The following BBX variants were observed in gnomAD, a reference collection of about 807,000 sequenced individuals.
BBX encodes HMG box transcription factor BBX.
A neutral mutation model predicts 100.2 loss-of-function variants in BBX; 30 were observed. The ratio of observed to expected loss-of-function variants is 0.30; its 90% CI spans 0.22 to 0.41. The LOEUF is 0.41. BBX is among the 10% of genes least tolerant of loss of function. BBX has a pLI of 1.00. For missense variants in BBX, 1,023 were observed against 1,129.8 expected (o/e 0.91, Z 1.35); for synonymous variants, 376 against 388.1 (o/e 0.97, Z 0.37).
chr3:107,720,676 G>T (rs1331243543), intron 5 of BBX, among the ~76,000 whole-genome samples: 2 of 151,986 alleles, frequency 1.3e-5, no homozygotes, highest in African/African-American at 4.8e-5. Flanking sequence ...CAACTTGAAG[G>T]TGAACTATAA....
At chr3:107,764,383 A>G (rs1446830704) in intron 10 of BBX, among the ~76,000 whole-genome samples, 1 of 152,212 alleles carries the variant, frequency 6.6e-6, no homozygotes, top group Non-Finnish European at 1.5e-5. Flanking sequence ...CTAATGAACC[A>G]TCCTATTAAA....
chr3:107,782,011 A>C (rs1450047969), intron 13 of BBX, among the ~76,000 whole-genome samples: 1 of 152,144 alleles, frequency 6.6e-6, no homozygotes, highest in Admixed American at 6.6e-5. Flanking sequence ...ATCTCCTATT[A>C]GGAAATTTTA....
At chr3:107,690,801 C>G (rs1481250540) in intron 3 of BBX, among the ~76,000 whole-genome samples, 3 of 144,376 alleles carry the variant, frequency 2.1e-5, no homozygotes, top group African/African-American at 7.8e-5. Flanking sequence ...TTACAACATT[C>G]TTGTACTGTG....
intron 3 of BBX, chr3:107,661,822 T>C (rs1576227420): frequency 1.0e-6 from 1 of 960,644 alleles, no homozygotes; most frequent in Non-Finnish European, 1.2e-6. Flanking sequence ...GTTTTTCTTG[T>C]CCCAGGCACC....
intron 7 of BBX, among the ~76,000 whole-genome samples, chr3:107,740,872 A>AT (rs2064039055): frequency 6.6e-6 from 1 of 150,724 alleles, no homozygotes; most frequent in Non-Finnish European, 1.5e-5. Context: ...ATGCACTTAC[A>AT]TTTTTGTATA....
chr3:107,785,736 A>G (rs558432527), intron 13 of BBX, among the ~76,000 whole-genome samples: 79 of 152,208 alleles, frequency 5.2e-4, no homozygotes, highest in African/African-American at 1.9e-3. Flanking sequence ...CTTAATGGTA[A>G]AATACTGGAT....
intron 10 of BBX, among the ~76,000 whole-genome samples, chr3:107,769,235 T>TAGAC (rs771229887): frequency 8.0e-5 from 11 of 137,990 alleles, no homozygotes; most frequent in Non-Finnish European, 1.5e-4. Flanking sequence ...GATAGACAGA[T>TAGAC]AGATAGGATA....
chr3:107,736,025 C>T (rs553357643), intron 7 of BBX, among the ~76,000 whole-genome samples: 54 of 151,838 alleles, frequency 3.6e-4, no homozygotes, highest in Non-Finnish European at 7.5e-4. Context: ...ACCCAGAGTA[C>T]ATTGAAATGC....
chr3:107,801,299 G>A lies in BBX; in HGVS notation c.2738+18G>A, dbSNP rs1395363415. ...GTGCACAGGTTAGTGGTAGAAGGTG[G>A]AAGGAGAAAGCAACATGGAAACCAG... On this transcript the variant is annotated intron_variant, in intron 17 of 17. Coordinates refer to ENST00000325805, the MANE Select transcript of BBX (RefSeq NM_001142568.3). 1.9e-6 allele frequency: 3 copies of A among 1,608,312 alleles called. No homozygotes were observed. The highest frequency in any genetic ancestry group is 2.5e-6 in the Non-Finnish European group (3 of 1,176,724).
chr3:107,731,654 T>C (rs924799060), intron 6 of BBX, among the ~76,000 whole-genome samples: 2 of 152,136 alleles, frequency 1.3e-5, no homozygotes, highest in East Asian at 3.8e-4. Flanking sequence ...TTTCCTCTAA[T>C]AACCTCTTCC....
chr3:107,702,773 G>T (rs1220435865), intron 3 of BBX, among the ~76,000 whole-genome samples: 1 of 152,200 alleles, frequency 6.6e-6, no homozygotes, highest in Non-Finnish European at 1.5e-5. Flanking sequence ...AAAGGAGAGA[G>T]ACATGAGCTG....
At chr3:107,684,853 C>T (rs1257404739) in intron 3 of BBX, 1 of 152,210 alleles carries the variant, frequency 6.6e-6, no homozygotes, top group Non-Finnish European at 1.5e-5. Context: ...TGATAGGCCA[C>T]TTCCTGCCTT....
chr3:107,550,544 G>T (rs1473236337), intron 2 of BBX, among the ~76,000 whole-genome samples: 1 of 152,108 alleles, frequency 6.6e-6, no homozygotes, highest in African/African-American at 2.4e-5. Context: ...TTGGTGAGGG[G>T]TAAACCGCAA....
chr3:107,600,333 T>C (rs2053976715), intron 2 of BBX, among the ~76,000 whole-genome samples: 1 of 152,226 alleles, frequency 6.6e-6, no homozygotes. Context: ...GTTTTAGAAA[T>C]GTTTGAAGTA....
At chr3:107,578,400 A>T (rs2051983847) in intron 2 of BBX, among the ~76,000 whole-genome samples, 1 of 141,118 alleles carries the variant, frequency 7.1e-6, no homozygotes, top group African/African-American at 2.4e-5. Flanking sequence ...AGCAGTGAGG[A>T]CGCAGACTTG....
chr3:107,789,612 A>C (rs1177453473), intron 13 of BBX, among the ~76,000 whole-genome samples, 175 bp from the exon 14 acceptor site: 1 of 152,202 alleles, frequency 6.6e-6, no homozygotes, highest in African/African-American at 2.4e-5. Context: ...GGTTTAAATA[A>C]GCCTAAAAAG....
At chr3:107,802,704 A>G (rs762304009) in intron 17 of BBX, among the ~76,000 whole-genome samples, 36 of 152,220 alleles carry the variant, frequency 2.4e-4, no homozygotes, top group Non-Finnish European at 4.1e-4. Context: ...TCTGTTAACC[A>G]GCCCTCCATG....
At chr3:107,563,422 T>C (rs1044070044) in intron 2 of BBX, among the ~76,000 whole-genome samples, 1 of 152,234 alleles carries the variant, frequency 6.6e-6, no homozygotes, top group African/African-American at 2.4e-5. Context: ...TCATATTTTC[T>C]GGTCAGTCAT....
intron 2 of BBX, among the ~76,000 whole-genome samples, chr3:107,592,714 A>G (rs1559850738): frequency 6.6e-6 from 1 of 152,198 alleles, no homozygotes; most frequent in Non-Finnish European, 1.5e-5. Context: ...TTTTCAAATA[A>G]GTATGTTTAG....
Sources: gnomAD v4.1 joint callset for allele counts (sites outside exome capture counted in the v4.1 genomes callset) on GRCh38, gnomAD v4.1.1 for gene constraint, MANE v1.5 for transcripts, NCBI Gene and HGNC (gene_info 2026-07-23, HGNC 2026-07-21) for gene names.